Variants in EYS observed in about 807,000 individuals in gnomAD.
The protein encoded by EYS is protein eyes shut homolog.
EYS carries 250 observed loss-of-function variants against 282.1 expected under a neutral mutation model. The observed-to-expected ratio is 0.89, with a 90% CI of 0.80 to 0.98. The LOEUF is 0.98. Among genes scored for constraint, EYS ranks in the 50% least tolerant of loss-of-function variants. The pLI is 0.00. For synonymous variants in EYS, 1,355 were observed against 1,282.9 expected (o/e 1.06, Z -1.20); for missense variants, 4,016 against 3,709.0 (o/e 1.08, Z -2.15).
At chr6:65,383,537 C>T (rs1331828775) in intron 8 of EYS, among the ~76,000 whole-genome samples, 1 of 150,930 alleles carries the variant, frequency 6.6e-6, no homozygotes, top group Admixed American at 6.6e-5. Flanking sequence ...TTTATTCTAT[C>T]TTCATGTTGT....
At chr6:64,884,862 A>G (rs1195248487) in intron 19 of EYS, among the ~76,000 whole-genome samples, 7 of 151,614 alleles carry the variant, frequency 4.6e-5, no homozygotes, top group Non-Finnish European at 8.9e-5. Flanking sequence ...CTTATCTTCC[A>G]CTGAACCTAA....
intron 8 of EYS, among the ~76,000 whole-genome samples, chr6:65,355,635 C>A (rs1164042776): frequency 6.6e-6 from 1 of 151,862 alleles, no homozygotes; most frequent in Non-Finnish European, 1.5e-5. Flanking sequence ...CTTCAAAATA[C>A]AACCAAATAA....
chr6:64,365,343 G>T (rs689092), intron 29 of EYS, among the ~76,000 whole-genome samples: 104,168 of 151,798 alleles, frequency 0.69, 35,780 homozygotes, highest in South Asian at 0.71. Context: ...TTGAAGCTGT[G>T]TCAGCAGAGA....
At chr6:64,062,637 G>A (rs1771215054) in intron 33 of EYS, among the ~76,000 whole-genome samples, 1 of 147,840 alleles carries the variant, frequency 6.8e-6, no homozygotes, top group South Asian at 2.1e-4. Context: ...GTTGCAGTGA[G>A]CCGAGATCGC....
chr6:64,598,918 A>C (rs1766672678), intron 24 of EYS, among the ~76,000 whole-genome samples: 1 of 152,206 alleles, frequency 6.6e-6, no homozygotes, highest in Admixed American at 6.5e-5. Flanking sequence ...CAGGGATATA[A>C]ATTAATGTGA....
intron 26 of EYS, among the ~76,000 whole-genome samples, chr6:64,502,755 T>A (rs2150513094): frequency 6.6e-6 from 1 of 152,140 alleles, no homozygotes; most frequent in East Asian, 1.9e-4. Flanking sequence ...AATCCATCCA[T>A]CAACAGTATT....
chr6:64,295,127 C>G (rs1361136841), intron 30 of EYS, among the ~76,000 whole-genome samples: 3 of 151,286 alleles, frequency 2.0e-5, no homozygotes, highest in Non-Finnish European at 2.9e-5. Context: ...GTAACCCCAG[C>G]ACTTTAGGAG....
intron 12 of EYS, among the ~76,000 whole-genome samples, chr6:65,109,103 T>C (rs1019449571): frequency 1.3e-5 from 2 of 152,070 alleles, no homozygotes; most frequent in Admixed American, 6.6e-5. Flanking sequence ...TAAAAACCTA[T>C]TTTGTCTATT....
chr6:65,688,632 A>G (rs1349627753), intron 1 of EYS, among the ~76,000 whole-genome samples: 1 of 152,090 alleles, frequency 6.6e-6, no homozygotes, highest in African/African-American at 2.4e-5. Flanking sequence ...CATCTGAAAA[A>G]GGGATAATAT....
At chr6:64,423,787 G>A (rs759643469) in intron 28 of EYS, among the ~76,000 whole-genome samples, 3 of 152,076 alleles carry the variant, frequency 2.0e-5, no homozygotes, top group Non-Finnish European at 4.4e-5. Flanking sequence ...CAGCCTGGAC[G>A]ACAGAGCAAG....
intron 1 of EYS, among the ~76,000 whole-genome samples, chr6:65,663,313 G>C (rs531057799): frequency 3.9e-5 from 6 of 152,110 alleles, no homozygotes; most frequent in Non-Finnish European, 8.8e-5. Flanking sequence ...TGGCACAGGA[G>C]TCAAACCCTT....
chr6:63,792,009 G>C (rs1454948824), intron 37 of EYS, among the ~76,000 whole-genome samples: 1 of 152,026 alleles, frequency 6.6e-6, no homozygotes, highest in Non-Finnish European at 1.5e-5. Flanking sequence ...GAAGAGCTGA[G>C]GAAGAGTTGA....
At chr6:65,540,588 T>C (rs1289132211) in intron 2 of EYS, among the ~76,000 whole-genome samples, 2 of 152,168 alleles carry the variant, frequency 1.3e-5, no homozygotes, top group South Asian at 4.1e-4. Flanking sequence ...TGTGAGCACA[T>C]ACTTTTATAT....
chr6:64,221,134 T>C (rs1469483782), intron 31 of EYS, among the ~76,000 whole-genome samples: 5 of 152,206 alleles, frequency 3.3e-5, no homozygotes, highest in East Asian at 3.8e-4. Flanking sequence ...TATGTACCAA[T>C]TGTACAATGG....
intron 12 of EYS, among the ~76,000 whole-genome samples, chr6:65,083,402 G>A (rs1409015416): frequency 6.6e-6 from 1 of 151,906 alleles, no homozygotes; most frequent in East Asian, 1.9e-4. Flanking sequence ...AAAATCTATA[G>A]GTAGCATCCA....
At chr6:65,442,985 T>A (rs190825547) in intron 5 of EYS, among the ~76,000 whole-genome samples, 9 of 150,532 alleles carry the variant, frequency 6.0e-5, no homozygotes, top group Admixed American at 1.3e-4. Context: ...TATATACATA[T>A]GTGCGTATAT....
At chr6:64,955,107 G>C (rs1437027971) in intron 14 of EYS, among the ~76,000 whole-genome samples, 1 of 152,128 alleles carries the variant, frequency 6.6e-6, no homozygotes, top group Non-Finnish European at 1.5e-5. Flanking sequence ...TTGAACCTGG[G>C]AGGCGGAGGC....
chr6:63,743,389 G>A (rs1372589139), intron 41 of EYS, among the ~76,000 whole-genome samples: 1 of 152,204 alleles, frequency 6.6e-6, no homozygotes, highest in Non-Finnish European at 1.5e-5. Context: ...TTTGGCAGGT[G>A]TATCAGCTTG....
chr6:64,918,018 T>C (rs1022158953), intron 15 of EYS, among the ~76,000 whole-genome samples: 1 of 152,122 alleles, frequency 6.6e-6, no homozygotes, highest in Non-Finnish European at 1.5e-5. Flanking sequence ...AATTAAATAA[T>C]TCATTCATTA....
Sources: gnomAD v4.1 joint callset for allele counts (sites outside exome capture counted in the v4.1 genomes callset) on GRCh38, gnomAD v4.1.1 for gene constraint, MANE v1.5 for transcripts, NCBI Gene and HGNC (gene_info 2026-07-23, HGNC 2026-07-21) for gene names.